The following TPST1 variants were observed in gnomAD, a reference collection of about 807,000 sequenced individuals.
The protein encoded by TPST1 is tyrosylprotein sulfotransferase 1.
A neutral mutation model predicts 34.8 loss-of-function variants in TPST1; 20 were observed. The ratio of observed to expected loss-of-function variants is 0.57; its 90% confidence interval spans 0.40 to 0.84. The LOEUF (loss-of-function observed/expected upper bound fraction) is 0.84. Ranked by LOEUF, TPST1 falls within the 40% of genes least tolerant of loss-of-function variation. TPST1 has a pLI of 0.00. For missense variants in TPST1, 353 were observed against 455.5 expected (o/e 0.78, Z 2.05); for synonymous variants, 152 against 159.4 (o/e 0.95, Z 0.35).
At chr7:66,344,256 T>C (rs533993176) in intron 3 of TPST1, 221 of 152,036 alleles carry the variant, frequency 1.5e-3, no homozygotes, top group African/African-American at 5.0e-3. Context: ...AGGAAAAGAA[T>C]AGGATATCCA....
At chr7:66,328,906 A>ATATATATATTT (rs1299138303) in intron 3 of TPST1, among the ~76,000 whole-genome samples, 9 of 13,154 alleles carry the variant, frequency 6.8e-4, no homozygotes, top group Admixed American at 1.2e-3. Context: ...ATATATATAT[A>ATATATATATTT]TTTTTTTTTT....
At chr7:66,226,166 C>T (rs557967387) in intron 1 of TPST1, among the ~76,000 whole-genome samples, 9 of 152,090 alleles carry the variant, frequency 5.9e-5, no homozygotes, top group Admixed American at 3.3e-4. Flanking sequence ...GGATTACAGA[C>T]GTGAGCCACT....
intron 1 of TPST1, among the ~76,000 whole-genome samples, chr7:66,221,383 A>G (rs1450229927): frequency 6.6e-6 from 1 of 152,184 alleles, no homozygotes; most frequent in Non-Finnish European, 1.5e-5. Flanking sequence ...GAAACTACAT[A>G]AAGGTTCCCT....
intron 1 of TPST1, among the ~76,000 whole-genome samples, chr7:66,212,874 T>G (rs1308459027): frequency 6.6e-6 from 1 of 152,222 alleles, no homozygotes; most frequent in East Asian, 1.9e-4. Flanking sequence ...TGGTTGACAG[T>G]TCTTTGCTTT....
intron 2 of TPST1, among the ~76,000 whole-genome samples, chr7:66,245,160 T>G (rs1448217431): frequency 1.3e-5 from 2 of 152,232 alleles, no homozygotes; most frequent in Non-Finnish European, 2.9e-5. Context: ...AAATTTAGTT[T>G]TGTTAAAGAA....
intron 3 of TPST1, among the ~76,000 whole-genome samples, chr7:66,350,453 C>T (rs1792452674): frequency 6.6e-6 from 1 of 152,006 alleles, no homozygotes; most frequent in South Asian, 2.1e-4. Context: ...TTTCCAGGGC[C>T]ATGCACCTCC....
At chr7:66,270,717 T>C (rs2115797977) in intron 2 of TPST1, among the ~76,000 whole-genome samples, 1 of 152,364 alleles carries the variant, frequency 6.6e-6, no homozygotes, top group South Asian at 2.1e-4. Context: ...AACTGCTGAT[T>C]ATCCAGCATG....
rs76630059 is a variant in TPST1, at chr7:66,280,798, A to G, written c.846-5713A>G. Among the ~76,000 whole-genome samples, 104 of 152,326 alleles carry G rather than the reference A, an allele frequency of 6.8e-4. 1 individual carries two copies. The East Asian group carries it at 0.016, about 23-fold the overall frequency. The stretch of plus-strand genomic sequence containing the variant: ...CTTGTTAGTTTAGCTATTGTTCATT[A>G]CTTGATGCTGAAATTGCTCTTATTG... On this transcript the variant is annotated intron_variant, in intron 2 of 5. Coordinates refer to ENST00000304842, the MANE Select transcript of TPST1 (RefSeq NM_003596.4).
intron 2 of TPST1, among the ~76,000 whole-genome samples, chr7:66,271,196 C>T (rs912265488): frequency 5.9e-5 from 9 of 152,090 alleles, no homozygotes; most frequent in African/African-American, 2.2e-4. Context: ...CTACACATTG[C>T]CTCCTGAGTA....
intron 1 of TPST1, among the ~76,000 whole-genome samples, chr7:66,235,987 C>T (rs567561579): frequency 2.1e-4 from 32 of 151,976 alleles, no homozygotes; most frequent in Non-Finnish European, 4.0e-4. Flanking sequence ...TGATACCTGT[C>T]TCAGACTTTG....
intron 1 of TPST1, among the ~76,000 whole-genome samples, chr7:66,231,269 A>G (rs1789783664): frequency 6.6e-6 from 1 of 152,236 alleles, no homozygotes; most frequent in Admixed American, 6.5e-5. Flanking sequence ...CCACGTCCCC[A>G]CCAGACTCAG....
intron 1 of TPST1, among the ~76,000 whole-genome samples, chr7:66,230,134 G>A (rs2116337724): frequency 6.6e-6 from 1 of 152,304 alleles, no homozygotes; most frequent in Non-Finnish European, 1.5e-5. Flanking sequence ...GTTGCAGTGA[G>A]CTGAGATTAC....
chr7:66,213,544 G>A (rs1379787765), intron 1 of TPST1, among the ~76,000 whole-genome samples: 2 of 151,884 alleles, frequency 1.3e-5, no homozygotes, highest in Non-Finnish European at 2.9e-5. Flanking sequence ...TCACGAGGTC[G>A]GGAGATCGAG....
intron 2 of TPST1, among the ~76,000 whole-genome samples, chr7:66,284,968 A>G (rs1322092508): frequency 6.6e-6 from 1 of 152,060 alleles, no homozygotes; most frequent in African/African-American, 2.4e-5. Context: ...TCATTCTCCA[A>G]TTATTCTTCC....
chr7:66,253,784 T>C (rs149341772), intron 2 of TPST1, among the ~76,000 whole-genome samples: 161 of 149,852 alleles, frequency 1.1e-3, no homozygotes, highest in African/African-American at 3.6e-3. Flanking sequence ...ATGCCTATAA[T>C]CCCAGCACTT....
chr7:66,318,119 T>C (rs1469347544), intron 3 of TPST1, among the ~76,000 whole-genome samples: 2 of 152,108 alleles, frequency 1.3e-5, no homozygotes, highest in South Asian at 2.1e-4. Flanking sequence ...GATCATGCCA[T>C]TGTACTCGAG....
intron 2 of TPST1, among the ~76,000 whole-genome samples, chr7:66,266,199 C>T (rs1790588641): frequency 6.6e-6 from 1 of 151,916 alleles, no homozygotes; most frequent in Non-Finnish European, 1.5e-5. Context: ...TTTCAGGAGC[C>T]CTGCACATTT....
chr7:66,221,401 AG>A, intron 1 of TPST1, among the ~76,000 whole-genome samples: 1 of 152,316 alleles, frequency 6.6e-6, no homozygotes, highest in South Asian at 2.1e-4. Flanking sequence ...CCTGGTTTTA[AG>A]CTTGAGAATC....
At chr7:66,206,190 C>T (rs1278385033) in intron 1 of TPST1, among the ~76,000 whole-genome samples, 1 of 149,850 alleles carries the variant, frequency 6.7e-6, no homozygotes, top group African/African-American at 2.5e-5. Flanking sequence ...AACTCCTGAC[C>T]TCAAGCTATC....
Sources: allele counts gnomAD v4.1 joint callset (sites outside exome capture counted in the v4.1 genomes callset), GRCh38; gene constraint gnomAD v4.1.1; transcripts MANE v1.5; gene names NCBI Gene and HGNC (gene_info 2026-07-23, HGNC 2026-07-21).